The following ECT2L variants were observed in gnomAD, a reference collection of about 807,000 sequenced individuals.
ECT2L encodes epithelial cell transforming 2 like.
In ECT2L, 126 loss-of-function variants were observed where a neutral mutation model predicts 122.8. That is an observed-to-expected ratio of 1.03 (90% confidence interval 0.89 to 1.19). The LOEUF is 1.19. Ranked by LOEUF, ECT2L falls within the 50% of genes most tolerant of loss-of-function variation. The pLI, the probability that ECT2L is intolerant of heterozygous loss-of-function variation, is 0.00. For missense variants in ECT2L, 1,012 were observed against 1,064.1 expected, an observed-to-expected ratio of 0.95 and a Z score of 0.68; for synonymous variants, 385 against 381.8, an observed-to-expected ratio of 1.01 and a Z score of -0.10.
At chr6:138,829,868 G>A (rs186856409) in intron 4 of ECT2L, among the ~76,000 whole-genome samples, 16 of 152,030 alleles carry the variant, frequency 1.1e-4, no homozygotes, top group Non-Finnish European at 1.9e-4. Flanking sequence ...GATTACAGGC[G>A]CTCGCCACCA....
intron 9 of ECT2L, among the ~76,000 whole-genome samples, chr6:138,849,801 G>A (rs1582611304): frequency 6.6e-6 from 1 of 152,002 alleles, no homozygotes; most frequent in Non-Finnish European, 1.5e-5. Flanking sequence ...ACTCTCTCCT[G>A]CCTTAGCCTC....
chr6:138,886,540 TG>T (rs1778827605), intron 18 of ECT2L, among the ~76,000 whole-genome samples: 1 of 152,058 alleles, frequency 6.6e-6, no homozygotes, highest in African/African-American at 2.4e-5. Context: ...CTTGAGTAGC[TG>T]GGACCACAGG....
chr6:138,854,604 C>A (rs1777555114), intron 10 of ECT2L, among the ~76,000 whole-genome samples: 2 of 152,150 alleles, frequency 1.3e-5, no homozygotes, highest in South Asian at 4.1e-4. Context: ...AACTTGTGGA[C>A]CTCCATTTCC....
intron 20 of ECT2L, among the ~76,000 whole-genome samples, chr6:138,895,925 G>C (rs1779192177): frequency 1.2e-4 from 19 of 152,108 alleles, no homozygotes; most frequent in Admixed American, 1.2e-3. Flanking sequence ...ATTTAAAATA[G>C]AGATGAAGTC....
intron 7 of ECT2L, 67 bp downstream of exon 7, chr6:138,844,647 AT>A: frequency 2.1e-6 from 3 of 1,447,812 alleles, no homozygotes; most frequent in Non-Finnish European, 2.9e-6. Context: ...TCTAGAATAA[AT>A]TTAGCTATCA....
At chr6:138,899,667 G>A (rs972399453) in intron 20 of ECT2L, among the ~76,000 whole-genome samples, 6 of 152,216 alleles carry the variant, frequency 3.9e-5, no homozygotes, top group Non-Finnish European at 1.5e-5. Flanking sequence ...CAAAAATGGT[G>A]AAGAAAAATA....
intron 4 of ECT2L, among the ~76,000 whole-genome samples, chr6:138,836,822 G>A (rs1776858145): frequency 6.6e-6 from 1 of 151,876 alleles, no homozygotes; most frequent in South Asian, 2.1e-4. Context: ...TCCATATTTT[G>A]CCAGTGGGAG....
In ECT2L at chr6:138,885,489, T is replaced by A. The variant is rs749139143; in HGVS notation, c.2029-17T>A. On this transcript the variant is annotated splice_polypyrimidine_tract_variant and intron_variant, in intron 16 of 21. Transcript: ENST00000541398. Reference sequence around the variant, plus strand: ...ACTATCTCATAAAGTTTTGACAATATAATCCTCACCTTTTAGTGCAGAGAA... The same window carrying A: ...ACTATCTCATAAAGTTTTGACAATAAAATCCTCACCTTTTAGTGCAGAGAA... 3 of 1,613,342 alleles carry A rather than the reference T, an allele frequency of 1.9e-6. No individual in the cohort carries two copies. Among genetic ancestry groups the A allele is most frequent in the East Asian group, 4.5e-5 (2 of 44,884 alleles).
At chr6:138,844,836 C>T (rs1163519442) in intron 7 of ECT2L, among the ~76,000 whole-genome samples, 4 of 132,702 alleles carry the variant, frequency 3.0e-5, no homozygotes, top group Admixed American at 8.7e-5. Flanking sequence ...TGCCACATTG[C>T]GCAGGCTGGT....
chr6:138,882,673 G>C (rs568683471), intron 15 of ECT2L, 51 bp from the exon 16 acceptor site: 4 of 1,600,894 alleles, frequency 2.5e-6, no homozygotes, highest in Non-Finnish European at 3.4e-6. Flanking sequence ...ATTTGGGTTT[G>C]TAAGTTATCA....
intron 4 of ECT2L, among the ~76,000 whole-genome samples, chr6:138,837,409 G>A (rs1248146901): frequency 1.3e-5 from 2 of 152,126 alleles, no homozygotes; most frequent in Non-Finnish European, 2.9e-5. Context: ...GGCCACGCCA[G>A]GCTGAGCAAA....
chr6:138,901,847 A>G (rs1346911540), intron 21 of ECT2L, among the ~76,000 whole-genome samples: 2 of 152,214 alleles, frequency 1.3e-5, no homozygotes, highest in Non-Finnish European at 2.9e-5. Flanking sequence ...GTTGGAACCC[A>G]AGACCTTACA....
intron 5 of ECT2L, among the ~76,000 whole-genome samples, chr6:138,839,931 A>C (rs1776978688): frequency 1.3e-5 from 2 of 152,152 alleles, no homozygotes; most frequent in South Asian, 4.1e-4. Context: ...AAATTCATTT[A>C]CCTTCCTCTC....
chr6:138,876,601 T>G, intron 14 of ECT2L, 43 bp downstream of exon 14: 1 of 1,341,666 alleles, frequency 7.5e-7, no homozygotes. Flanking sequence ...GTTTTGCTCC[T>G]GATAGTGAAA....
chr6:138,868,941 C>A (rs557853864), intron 13 of ECT2L, among the ~76,000 whole-genome samples: 1 of 152,034 alleles, frequency 6.6e-6, no homozygotes, highest in Non-Finnish European at 1.5e-5. Flanking sequence ...CCGAGGCAGG[C>A]GGATCATTTG....
intron 11 of ECT2L, among the ~76,000 whole-genome samples, chr6:138,863,561 A>G (rs963109991): frequency 6.6e-6 from 1 of 152,114 alleles, no homozygotes; most frequent in South Asian, 2.1e-4. Context: ...CTGGCCTAGC[A>G]GAGCACAGCA....
chr6:138,830,324 C>T (rs1334605980), intron 4 of ECT2L, among the ~76,000 whole-genome samples: 1 of 152,162 alleles, frequency 6.6e-6, no homozygotes, highest in Non-Finnish European at 1.5e-5. Flanking sequence ...CAATCTTAGG[C>T]CTTGTGGGCC....
intron 13 of ECT2L, among the ~76,000 whole-genome samples, chr6:138,870,974 T>C (rs879793214): frequency 5.3e-5 from 8 of 151,764 alleles, no homozygotes; most frequent in Non-Finnish European, 7.4e-5. Context: ...CCCGGGGAGG[T>C]TCAGTGAGCA....
chr6:138,798,077 G>A (rs1775404543), intron 1 of ECT2L, among the ~76,000 whole-genome samples: 1 of 152,156 alleles, frequency 6.6e-6, no homozygotes. Context: ...ATAGAAGAGA[G>A]GCCCAGAGAA....
Sources: gnomAD v4.1 joint callset for allele counts (sites outside exome capture counted in the v4.1 genomes callset) on GRCh38, gnomAD v4.1.1 for gene constraint, MANE v1.5 for transcripts, NCBI Gene and HGNC (gene_info 2026-07-23, HGNC 2026-07-21) for gene names.